The following PRR11 variants were observed in gnomAD, a reference collection of about 807,000 sequenced individuals.
The protein encoded by PRR11 is proline rich 11.
Under a neutral mutation model 45.6 loss-of-function variants are expected in PRR11, and 30 were observed. That is an observed-to-expected ratio of 0.66 (90% CI 0.49 to 0.89). PRR11 has a LOEUF of 0.89. PRR11 is among the 40% of genes least tolerant of loss of function. The pLI is 0.00. For synonymous variants in PRR11, 128 were observed against 153.5 expected, an observed-to-expected ratio of 0.83 and a Z score of 1.23; for missense variants, 373 against 424.8, an observed-to-expected ratio of 0.88 and a Z score of 1.07.
intron 4 of PRR11, among the ~76,000 whole-genome samples, chr17:59,190,760 A>G (rs1280033956): frequency 6.6e-6 from 1 of 152,250 alleles, no homozygotes; most frequent in Admixed American, 6.5e-5. Context: ...CACTAGCAAC[A>G]TGGCTGCTGG....
intron 7 of PRR11, 54 bp downstream of exon 7, chr17:59,195,497 T>G (rs2147855155): frequency 8.3e-7 from 1 of 1,203,058 alleles, no homozygotes; most frequent in Non-Finnish European, 1.2e-6. Context: ...ATGATATTGT[T>G]GTACAAAGGC....
intron 1 of PRR11, among the ~76,000 whole-genome samples, chr17:59,161,436 A>G (rs2046652436): frequency 5.3e-5 from 8 of 151,058 alleles, no homozygotes; most frequent in Admixed American, 2.6e-4. Context: ...AAAACATAAA[A>G]CAAAAAAAAA....
rs749404858 is a variant in PRR11, at chr17:59,204,517, C to T, written c.*2886C>T. The T allele has an allele frequency of 6.7e-6, 1 of 150,258 alleles. No individual in the cohort carries two copies. Among genetic ancestry groups the T allele is most frequent in the African/African-American group, 2.5e-5 (1 of 40,692 alleles). 9.3% of individuals were successfully genotyped at this position (150,258 alleles called of 1,614,324 possible). ...AGACGTTTGAGACCAGCCTGGCCAA[C>T]ATGGTGAAACCCCGTCTCTACCAAA... is the stretch of plus-strand genomic sequence containing the variant. On this transcript the variant is annotated 3_prime_UTR_variant, in exon 10 of 10. Transcript: ENST00000262293.
chr17:59,180,127 C>CTTTTTTT, intron 2 of PRR11, among the ~76,000 whole-genome samples: 1 of 114,942 alleles, frequency 8.7e-6, no homozygotes, highest in East Asian at 2.5e-4. Context: ...TGAGTCTCTC[C>CTTTTTTT]TTTTTTTTTT....
intron 4 of PRR11, among the ~76,000 whole-genome samples, chr17:59,187,681 A>G (rs1369461024): frequency 6.6e-6 from 1 of 152,042 alleles, no homozygotes; most frequent in Non-Finnish European, 1.5e-5. Flanking sequence ...CCTGGCCAAC[A>G]TGGTGAAACC....
rs1406512889 is a variant in PRR11 at position 59,206,109 on chromosome 17, A to G, written c.*4478A>G. On this transcript the variant is annotated 3_prime_UTR_variant, in exon 10 of 10. Transcript: ENST00000262293. ...TGGCCCAGTGCAGTGGCTCACACCT[A>G]TAATCCTAGCACTTTGGGAGGCTAA... Among the ~76,000 whole-genome samples the G allele has an allele frequency of 1.3e-5, 2 of 151,968 alleles. No homozygotes were observed. Among genetic ancestry groups the G allele is most frequent in the East Asian group, 3.9e-4 (2 of 5,166 alleles).
In PRR11 at chr17:59,202,526, C is replaced by G. The variant is rs1394051165; in HGVS notation, c.*895C>G. Reference sequence around the variant, plus strand: ...ATAATTATGCCTGTGAATAGCCACTCTACTCCAGCCTGGGCAACATAGCAA... The same window carrying G: ...ATAATTATGCCTGTGAATAGCCACTGTACTCCAGCCTGGGCAACATAGCAA... On this transcript the variant is annotated 3_prime_UTR_variant, in exon 10 of 10. Transcript: ENST00000262293. 1 of 151,698 alleles carries G rather than the reference C, an allele frequency of 6.6e-6. No homozygotes were observed. Among genetic ancestry groups the G allele is most frequent in the East Asian group, 1.9e-4 (1 of 5,136 alleles). 9.4% of individuals were successfully genotyped at this position (151,698 alleles called of 1,614,324 possible).
At chr17:59,160,361 TC>T (rs2046645168) in intron 1 of PRR11, among the ~76,000 whole-genome samples, 1 of 152,216 alleles carries the variant, frequency 6.6e-6, no homozygotes, top group African/African-American at 2.4e-5. Context: ...GTATACTTCC[TC>T]TTGTTGTTTG....
At position 59,201,906 on chromosome 17, in the gene PRR11, G is replaced by T. The variant is rs2046894385; in HGVS notation, c.*275G>T. ...GAATTGCTTGAACCCAAGAGGCAGA[G>T]GTTGCAGTGAGCCAAGATCGCGTCA... is the stretch of plus-strand genomic sequence containing the variant. On this transcript the variant is annotated 3_prime_UTR_variant, in exon 10 of 10. Transcript: ENST00000262293. 1 of 364,212 alleles carries T rather than the reference G, an allele frequency of 2.7e-6. No homozygotes were observed. The highest frequency in any genetic ancestry group is 3.5e-5 in the South Asian group (1 of 28,502). The allele number at this position is 364,212 out of a possible 1,614,324, so 22.6% of individuals were successfully genotyped here. A position where few individuals can be genotyped will look rare whatever the true frequency, so the allele number is the denominator to read the frequency against.
At chr17:59,199,917 C>A (rs183026236) in intron 9 of PRR11, among the ~76,000 whole-genome samples, 28 of 152,244 alleles carry the variant, frequency 1.8e-4, no homozygotes, top group Admixed American at 1.8e-3. Flanking sequence ...TTGGTGATAC[C>A]CAAAATTGTG....
intron 7 of PRR11, among the ~76,000 whole-genome samples, chr17:59,196,087 C>CAAAAAAAAAAAAAAAAAAAAAACAAAAA (rs57940331): frequency 1.4e-5 from 1 of 71,362 alleles, no homozygotes; most frequent in Non-Finnish European, 2.8e-5. Flanking sequence ...GACTCCATCT[C>CAAAAAAAAAAAAAAAAAAAAAACAAAAA]AAAAAAAAAA....
chr17:59,160,968 C>T (rs975539153), intron 1 of PRR11: 3 of 151,388 alleles, frequency 2.0e-5, no homozygotes, highest in Non-Finnish European at 4.4e-5. Flanking sequence ...AACTCCTGGG[C>T]TAAAGGCATC....
At chr17:59,162,658 G>A (rs1599689763) in intron 1 of PRR11, among the ~76,000 whole-genome samples, 2 of 147,168 alleles carry the variant, frequency 1.4e-5, no homozygotes, top group East Asian at 4.1e-4. Context: ...ATTATTTCAT[G>A]ATTTTTTTTT....
chr17:59,157,750 T>G (rs1432076683), intron 1 of PRR11, among the ~76,000 whole-genome samples: 1 of 151,978 alleles, frequency 6.6e-6, no homozygotes, highest in Non-Finnish European at 1.5e-5. Flanking sequence ...TATGTTGGTG[T>G]TGTTCAGGAT....
chr17:59,197,639 C>T, intron 8 of PRR11, 36 bp downstream of exon 8: 1 of 1,610,760 alleles, frequency 6.2e-7, no homozygotes, highest in South Asian at 1.1e-5. Flanking sequence ...CTTCTACGTC[C>T]ATTTTAAAAG....
intron 1 of PRR11, among the ~76,000 whole-genome samples, chr17:59,156,671 C>CT (rs905609597): frequency 2.7e-4 from 33 of 122,418 alleles, no homozygotes; most frequent in Non-Finnish European, 5.1e-4. Context: ...TTTTTTTTTT[C>CT]TTTTTTTGTG....
rs1427484927 is a variant in PRR11, at chr17:59,169,797, C to T, written c.45C>T (p.Ala15=). ...GAAGACGAAAGCTAAAAGCCAAAGCCGAAAGATTATTCAAAAAAAAAGAAG... is the reference window on the plus strand; with the variant it reads ...GAAGACGAAAGCTAAAAGCCAAAGCTGAAAGATTATTCAAAAAAAAAGAAG... ...KQRRRKLKAK[A]ERLFKKKEAS... The change falls in exon 2 of 10, where the codon GCC becomes GCT. Residue 15 remains alanine, a synonymous_variant. Coordinates refer to ENST00000262293, the MANE Select transcript of PRR11 (RefSeq NM_018304.4). The T allele has an allele frequency of 7.5e-6, 12 of 1,610,500 alleles. No individual in the cohort carries two copies. The highest frequency in any genetic ancestry group is 1.1e-5 in the South Asian group (1 of 90,092).
In PRR11 at chr17:59,173,493, C is replaced by G. The variant is rs528686864; in HGVS notation, c.128+3613C>G. On this transcript the variant is annotated intron_variant, in intron 2 of 9. Coordinates refer to ENST00000262293, the MANE Select transcript of PRR11 (RefSeq NM_018304.4). Reference sequence around the variant, plus strand: ...TTCACTTCTGAAGCCAGTGAGACCACGAACCCACCGGGAGGAACGAATAAC... The same window carrying G: ...TTCACTTCTGAAGCCAGTGAGACCAGGAACCCACCGGGAGGAACGAATAAC... Among the ~76,000 whole-genome samples, 5 of 152,276 alleles carry G rather than the reference C, an allele frequency of 3.3e-5. No individual in the cohort carries two copies. The East Asian group carries it at 9.6e-4, about 29-fold the overall frequency.
chr17:59,182,369 CT>C (rs2046792344), intron 2 of PRR11, among the ~76,000 whole-genome samples: 1 of 147,424 alleles, frequency 6.8e-6, no homozygotes, highest in African/African-American at 2.5e-5. Flanking sequence ...TCAGGTTCTC[CT>C]TCCTGACCTC....
Sources: allele counts gnomAD v4.1 joint callset (sites outside exome capture counted in the v4.1 genomes callset), GRCh38; gene constraint gnomAD v4.1.1; transcripts MANE v1.5; gene names NCBI Gene and HGNC (gene_info 2026-07-23, HGNC 2026-07-21).